The following PLCH1 variants were observed in gnomAD, a reference collection of about 807,000 sequenced individuals.
PLCH1 encodes the protein phospholipase C eta 1.
In PLCH1, 60 loss-of-function variants were observed where a neutral mutation model predicts 126.7. The observed-to-expected ratio is 0.47, with a 90% CI of 0.38 to 0.59. The LOEUF (loss-of-function observed/expected upper bound fraction) is 0.59. Among genes scored for constraint, PLCH1 ranks in the 20% least tolerant of loss-of-function variants. The probability of loss-of-function intolerance (pLI) is 0.00; values close to 1 mark genes in which losing one functional copy is unlikely to be tolerated. For missense variants in PLCH1, 1,723 were observed against 2,040.0 expected, an observed-to-expected ratio of 0.84 and a Z score of 2.99; for synonymous variants, 719 against 734.9, an observed-to-expected ratio of 0.98 and a Z score of 0.35.
At chr3:155,557,091 T>A (rs976902179) in intron 8 of PLCH1, among the ~76,000 whole-genome samples, 2 of 152,208 alleles carry the variant, frequency 1.3e-5, no homozygotes, top group Admixed American at 6.5e-5. Flanking sequence ...GGTTCTGAGA[T>A]ACTATCAGAG....
intron 14 of PLCH1, among the ~76,000 whole-genome samples, chr3:155,498,580 A>C (rs1482756142): frequency 6.6e-6 from 1 of 152,218 alleles, no homozygotes; most frequent in African/African-American, 2.4e-5. Context: ...GACCAGGGCT[A>C]AAATGGAACA....
rs1309013104 is a variant in PLCH1, at chr3:155,596,307, C to G, written c.151G>C (p.Val51Leu). The G allele has an allele frequency of 1.2e-6, 2 of 1,613,684 alleles. No individual in the cohort carries two copies. The highest frequency in any genetic ancestry group is 1.7e-5 in the Admixed American group (1 of 60,010). ...IKLKRGTKGL[V>L]RLFYLDEHRT... ...TGCTCATCCAGGTAAAAGAGGCGGA[C>G]AAGCCCTTTGGTTCCACGTTTCAGC... Residue 51 changes from valine (V) to leucine (L), a missense_variant, in exon 3 of 23, where the codon GTC becomes CTC. Val to Leu is a conservative substitution (Grantham distance 32). Around this residue, in one of 2 missense-constraint regions of PLCH1, gnomAD observed 776 missense variants for 1,062.9 expected, o/e 0.73. Coordinates refer to ENST00000460012, the MANE Select transcript of PLCH1 (RefSeq NM_014996.4).
rs554450513 is a variant in PLCH1 at position 155,703,469 on chromosome 3, C to T, written c.79+677G>A. 7.2e-5 allele frequency among the ~76,000 whole-genome samples: 11 copies of T among 152,280 alleles called. No individual in the cohort carries two copies. The East Asian group carries it at 2.1e-3, about 29-fold the overall frequency. On this transcript the variant is annotated intron_variant, in intron 2 of 22. Transcript: ENST00000460012. Reference sequence around the variant, plus strand: ...GACAGCAGGATTGACAGAGCTTATCCCTGACTGTATACCACAAAACAAACA... The same window carrying T: ...GACAGCAGGATTGACAGAGCTTATCTCTGACTGTATACCACAAAACAAACA...
chr3:155,500,196 AC>A (rs1431870311), intron 14 of PLCH1, among the ~76,000 whole-genome samples: 2 of 152,194 alleles, frequency 1.3e-5, no homozygotes, highest in African/African-American at 2.4e-5. Flanking sequence ...ACAAAAAAGA[AC>A]TTTTTTTGAA....
chr3:155,478,348 A>T (rs950904884), downstream of PLCH1, among the ~76,000 whole-genome samples: 18 of 152,202 alleles, frequency 1.2e-4, no homozygotes, highest in African/African-American at 3.6e-4. Context: ...CAACAGGATG[A>T]CTATAGTCAA....
intron 1 of PLCH1, among the ~76,000 whole-genome samples, chr3:155,711,540 A>G (rs1747124862): frequency 6.6e-6 from 1 of 152,220 alleles, no homozygotes; most frequent in Non-Finnish European, 1.5e-5. Context: ...CCCACTTACT[A>G]GAATTAAAGC....
intron 1 of PLCH1, among the ~76,000 whole-genome samples, chr3:155,738,766 A>G (rs1237273067): frequency 6.6e-6 from 1 of 151,150 alleles, no homozygotes; most frequent in Admixed American, 6.6e-5. Context: ...CAGCCTGGAC[A>G]ACAGAGCGAG....
intron 10 of PLCH1, among the ~76,000 whole-genome samples, chr3:155,538,683 T>A (rs1371156251): frequency 6.6e-6 from 1 of 151,956 alleles, no homozygotes; most frequent in African/African-American, 2.4e-5. Context: ...TATACAATCC[T>A]CGGAGGTTAA....
chr3:155,473,907 C>T lies in PLCH1; in HGVS notation c.2938+11449G>A, dbSNP rs1673741303. 5.3e-5 allele frequency among the ~76,000 whole-genome samples: 8 copies of T among 151,902 alleles called. No individual in the cohort carries two copies. The South Asian group carries it at 1.7e-3, about 32-fold the overall frequency. On this transcript the variant is annotated intron_variant, in intron 21 of 21. Coordinates refer to the PLCH1 transcript ENST00000494598. ...GCTGAAACTGGATCCCTTCCTTACACTTTATACAAAAATCAATTCAAGATG... is the reference window on the plus strand; with the variant it reads ...GCTGAAACTGGATCCCTTCCTTACATTTTATACAAAAATCAATTCAAGATG...
intron 1 of PLCH1, among the ~76,000 whole-genome samples, chr3:155,728,273 T>A (rs1748493798): frequency 1.3e-5 from 2 of 152,284 alleles, no homozygotes; most frequent in South Asian, 4.1e-4. Flanking sequence ...TCCATGCAGT[T>A]TGACAGCCAA....
At chr3:155,706,172 CAAAAAAAA>C (rs34725442) in intron 1 of PLCH1, among the ~76,000 whole-genome samples, 22 of 61,608 alleles carry the variant, frequency 3.6e-4, no homozygotes, top group East Asian at 1.3e-3. Context: ...GACTCTATCT[CAAAAAAAA>C]AAAAAAAAAA....
At chr3:155,503,273 T>C (rs1012220736) in intron 13 of PLCH1, among the ~76,000 whole-genome samples, 10 of 152,228 alleles carry the variant, frequency 6.6e-5, no homozygotes, top group Non-Finnish European at 7.3e-5. Flanking sequence ...GTCTACTCTA[T>C]AGGGTTTCTT....
chr3:155,485,374 C>T lies in PLCH1; in HGVS notation c.2956G>A (p.Gly986Arg). Residue 986 changes from glycine (G) to arginine (R), a missense_variant, in exon 22 of 23, where the codon GGA becomes AGA. Around this residue, in one of 2 missense-constraint regions of PLCH1, gnomAD observed 947 missense variants for 977.1 expected, o/e 0.97. Coordinates refer to ENST00000460012, the MANE Select transcript of PLCH1 (RefSeq NM_014996.4). The part of the protein sequence containing the change: ...PVSETAKDIE[G>R]KENSLAEDKD... ...ATCTTACCTAGAGAGTTTTCTTTTC[C>T]TTCAATGTCTTTTGCTGTTTCAGAT... The T allele has an allele frequency of 6.2e-7, 1 of 1,601,116 alleles. No homozygotes were observed. Among genetic ancestry groups the T allele is most frequent in the Non-Finnish European group, 8.6e-7 (1 of 1,169,194 alleles).
At chr3:155,581,905 A>C (rs539240) in intron 6 of PLCH1, among the ~76,000 whole-genome samples, 74,184 of 151,134 alleles carry the variant, frequency 0.49, 21,183 homozygotes, top group Non-Finnish European at 0.65. Flanking sequence ...ATGTGCCACC[A>C]CACCTGGCTA....
At chr3:155,672,043 A>G (rs975763150) in intron 2 of PLCH1, among the ~76,000 whole-genome samples, 2 of 152,194 alleles carry the variant, frequency 1.3e-5, no homozygotes, top group African/African-American at 2.4e-5. Flanking sequence ...ATAAAAATAA[A>G]CCTACCAGGA....
intron 22 of PLCH1, 47 bp downstream of exon 22, chr3:155,485,309 A>G (rs369523872): frequency 4.1e-6 from 5 of 1,207,370 alleles, no homozygotes; most frequent in Non-Finnish European, 6.0e-6. Flanking sequence ...AGGGACTGAC[A>G]TGCAGCCTAG....
intron 8 of PLCH1, among the ~76,000 whole-genome samples, chr3:155,559,268 C>T (rs1560165486): frequency 6.6e-6 from 1 of 151,962 alleles, no homozygotes; most frequent in Non-Finnish European, 1.5e-5. Flanking sequence ...AGAGATTATT[C>T]CCTCTTTCTT....
chr3:155,723,953 C>CAAAA (rs34436223), intron 1 of PLCH1, among the ~76,000 whole-genome samples: 1 of 80,052 alleles, frequency 1.2e-5, no homozygotes, highest in Non-Finnish European at 2.6e-5. Flanking sequence ...AACTCCATCT[C>CAAAA]AAAAAAAAAA....
chr3:155,621,480 T>G (rs747773817), intron 2 of PLCH1, among the ~76,000 whole-genome samples: 1 of 152,116 alleles, frequency 6.6e-6, no homozygotes, highest in Admixed American at 6.5e-5. Context: ...AAGGAGCATG[T>G]TCTAAATCAA....
Sources: allele counts gnomAD v4.1 joint callset (sites outside exome capture counted in the v4.1 genomes callset), GRCh38; gene constraint gnomAD v4.1.1; regional missense constraint gnomAD v4.1.1; transcripts MANE v1.5; gene names NCBI Gene and HGNC (gene_info 2026-07-23, HGNC 2026-07-21).